FANCB: variants seen among roughly 807,000 people sequenced by gnomAD.
FANCB encodes FA complementation group B.
In FANCB, 5 loss-of-function variants were observed where a neutral mutation model predicts 38.9. That is an observed-to-expected ratio of 0.13 (90% CI 0.07 to 0.27). The LOEUF is 0.27. FANCB is among the 10% of genes least tolerant of loss of function. FANCB has a pLI of 1.00. For missense variants in FANCB, 573 were observed against 602.7 expected (o/e 0.95, Z 0.52); for synonymous variants, 236 against 215.4 (o/e 1.10, Z -0.84).
intron 4 of FANCB, 74 bp downstream of exon 4, chrX:14,859,108 G>A: frequency 1.5e-6 from 1 of 666,485 alleles, no homozygotes; most frequent in Admixed American, 2.9e-5. Context: ...TTAAATGATA[G>A]GTCAAAGCTT....
At chrX:14,725,738 T>TA in the FANCB span, among the ~76,000 whole-genome samples, 1 of 112,232 alleles carries the variant, frequency 8.9e-6, no homozygotes, top group East Asian at 2.8e-4. Flanking sequence ...AGAATTATTC[T>TA]AAACACAGGA....
chrX:14,836,012 G>A (rs2092340380), exon 11 of FANCB: 1 of 112,061 alleles, frequency 8.9e-6, no homozygotes, highest in African/African-American at 3.2e-5. Flanking sequence ...GCCAAGAAGT[G>A]GAAGCAACCT....
chrX:14,816,910 T>A, the FANCB span, among the ~76,000 whole-genome samples: 4 of 111,735 alleles, frequency 3.6e-5, no homozygotes, highest in Admixed American at 9.5e-5. Context: ...ACCTTATCTA[T>A]AAAAGGAGAA....
the FANCB span, among the ~76,000 whole-genome samples, chrX:14,749,337 A>G: frequency 2.7e-5 from 3 of 111,379 alleles, no homozygotes; most frequent in African/African-American, 6.5e-5. Flanking sequence ...CTTGAAGCAG[A>G]AGGAAAGAAA....
the FANCB span, among the ~76,000 whole-genome samples, chrX:14,826,637 T>C: frequency 4.4e-5 from 5 of 112,738 alleles, no homozygotes; most frequent in Admixed American, 4.7e-4. Flanking sequence ...CTTGCCGCTT[T>C]TTCTATTGAC....
chrX:14,832,019 A>C (rs1253600485), downstream of FANCB, among the ~76,000 whole-genome samples: 1 of 112,025 alleles, frequency 8.9e-6, no homozygotes. Context: ...TGTTGCCTTT[A>C]GAATGACCTA....
the FANCB span, among the ~76,000 whole-genome samples, chrX:14,714,589 C>T: frequency 3.7e-4 from 41 of 111,852 alleles, no homozygotes; most frequent in African/African-American, 1.3e-3. Context: ...CATACCACAA[C>T]TGAGTTCTGT....
the FANCB span, among the ~76,000 whole-genome samples, chrX:14,807,522 G>T: frequency 8.9e-6 from 1 of 112,068 alleles, no homozygotes; most frequent in Non-Finnish European, 1.9e-5. Flanking sequence ...TAACCCCAAA[G>T]TTCTCAGTGG....
intron 3 of FANCB, among the ~76,000 whole-genome samples, 154 bp from the exon 4 acceptor site, chrX:14,859,488 A>G (rs1249923896): frequency 1.8e-5 from 2 of 112,354 alleles, no homozygotes; most frequent in East Asian, 5.6e-4. Context: ...TAAAATAAAG[A>G]TATTAGGGGA....
At chrX:14,809,581 G>C in the FANCB span, among the ~76,000 whole-genome samples, 1 of 112,288 alleles carries the variant, frequency 8.9e-6, no homozygotes, top group South Asian at 3.8e-4. Context: ...CTGAATGCTA[G>C]CACAGCAGTC....
the FANCB span, among the ~76,000 whole-genome samples, chrX:14,818,116 T>G: frequency 9.0e-6 from 1 of 111,051 alleles, no homozygotes; most frequent in Non-Finnish European, 1.9e-5. Flanking sequence ...AAAAATTAGA[T>G]CTGATGGGTG....
chrX:14,835,343 G>A, downstream of FANCB: 1 of 454,584 alleles, frequency 2.2e-6, no homozygotes, highest in Non-Finnish European at 4.1e-6. Flanking sequence ...ATGCACTTAG[G>A]TGGGAGAGAA....
At chrX:14,812,720 G>A in the FANCB span, among the ~76,000 whole-genome samples, 22 of 109,291 alleles carry the variant, frequency 2.0e-4, no homozygotes, top group South Asian at 7.8e-4. Context: ...ATTCACTGCC[G>A]AATTCTACCA....
chrX:14,751,651 C>T, the FANCB span, among the ~76,000 whole-genome samples: 1 of 111,016 alleles, frequency 9.0e-6, no homozygotes, highest in African/African-American at 3.3e-5. Context: ...CTGAGAGACC[C>T]CCAAAGGGCT....
chrX:14,791,131 T>C, the FANCB span, among the ~76,000 whole-genome samples: 1 of 111,184 alleles, frequency 9.0e-6, no homozygotes, highest in Admixed American at 9.6e-5. Flanking sequence ...GACACTGTTA[T>C]GTGTTGAAGT....
At chrX:14,721,004 G>A in the FANCB span, among the ~76,000 whole-genome samples, 35 of 108,632 alleles carry the variant, frequency 3.2e-4, no homozygotes, top group African/African-American at 9.1e-4. Context: ...CACATGACCC[G>A]TCCACCTTGG....
intron 2 of FANCB, among the ~76,000 whole-genome samples, chrX:14,866,941 C>T (rs1055155360): frequency 2.7e-5 from 3 of 110,842 alleles, no homozygotes; most frequent in Non-Finnish European, 3.8e-5. Context: ...TGCTAAAAAG[C>T]GAACTATCTG....
At chrX:14,809,544 G>A in the FANCB span, among the ~76,000 whole-genome samples, 18 of 111,976 alleles carry the variant, frequency 1.6e-4, no homozygotes, top group African/African-American at 5.5e-4. Context: ...CACCTGTCTC[G>A]GAGGGTCCTA....
downstream of FANCB, among the ~76,000 whole-genome samples, chrX:14,840,113 C>T (rs1326907535): frequency 8.9e-6 from 1 of 111,765 alleles, no homozygotes; most frequent in Non-Finnish European, 1.9e-5. Flanking sequence ...CCTCAGCCTC[C>T]CCCAGAGTGC....
Sources: gnomAD v4.1 joint callset for allele counts (sites outside exome capture counted in the v4.1 genomes callset) on GRCh38, gnomAD v4.1.1 for gene constraint, MANE v1.5 for transcripts, NCBI Gene and HGNC (gene_info 2026-07-23, HGNC 2026-07-21) for gene names.